CPAMD8: variants seen among roughly 807,000 people sequenced by gnomAD.
CPAMD8 encodes C3 and PZP-like alpha-2-macroglobulin domain-containing protein 8.
CPAMD8 carries 146 observed loss-of-function variants against 224.7 expected under a neutral mutation model. The ratio of observed to expected loss-of-function variants is 0.65; its 90% CI spans 0.57 to 0.75. CPAMD8 has a LOEUF of 0.75. Ranked by LOEUF, CPAMD8 falls within the 30% of genes least tolerant of loss-of-function variation. The probability of loss-of-function intolerance (pLI) is 0.00; values close to 1 mark genes in which losing one functional copy is unlikely to be tolerated. For missense variants in CPAMD8, 2,301 were observed against 2,537.5 expected, an observed-to-expected ratio of 0.91 and a Z score of 2.00; for synonymous variants, 966 against 1,044.6, an observed-to-expected ratio of 0.92 and a Z score of 1.45.
At chr19:16,952,290 G>T in intron 19 of CPAMD8, 90 bp from the exon 20 acceptor site, 1 of 716,374 alleles carries the variant, frequency 1.4e-6, no homozygotes, top group Non-Finnish European at 2.4e-6. Flanking sequence ...CAGGCTGCAT[G>T]GCTCAGAGAG....
intron 20 of CPAMD8, among the ~76,000 whole-genome samples, chr19:16,948,873 G>A (rs1418329451): frequency 1.0e-4 from 1 of 9,928 alleles, no homozygotes; most frequent in Non-Finnish European, 1.7e-4. Flanking sequence ...AAAGGAAAGG[G>A]AAGGGAAGGG....
At chr19:16,911,904 C>T (rs141117507) in intron 29 of CPAMD8, among the ~76,000 whole-genome samples, 3,496 of 152,206 alleles carry the variant, frequency 0.023, 55 homozygotes, top group Middle Eastern at 0.068. Flanking sequence ...GTCTCAAACT[C>T]CTGACTTCAA....
intron 34 of CPAMD8, 62 bp downstream of exon 34, chr19:16,903,495 GTGAT>G: frequency 6.2e-7 from 1 of 1,607,876 alleles, no homozygotes; most frequent in Non-Finnish European, 8.5e-7. Flanking sequence ...GTTCCACTGT[GTGAT>G]TGGAGGGAAT....
chr19:16,903,478 C>A, intron 34 of CPAMD8, 83 bp downstream of exon 34: 2 of 1,592,426 alleles, frequency 1.3e-6, no homozygotes, highest in South Asian at 2.2e-5. Context: ...CTCTGGGGGT[C>A]CCTGGGGTTC....
intron 39 of CPAMD8, chr19:16,897,459 T>C: frequency 1.8e-6 from 1 of 544,714 alleles, no homozygotes; most frequent in Non-Finnish European, 3.2e-6. Context: ...CCCCAGCCAC[T>C]TCCCTTCCGC....
chr19:16,904,672 A>T (rs989179117), intron 30 of CPAMD8, 120 bp from the exon 31 acceptor site: 15 of 725,268 alleles, frequency 2.1e-5, no homozygotes, highest in Non-Finnish European at 3.5e-5. Flanking sequence ...GTGGGAGAAG[A>T]GTATCAGGGG....
At chr19:16,897,494 C>G in intron 39 of CPAMD8, 197 bp downstream of exon 39, 1 of 565,450 alleles carries the variant, frequency 1.8e-6, no homozygotes, top group East Asian at 3.1e-5. Flanking sequence ...CAGCCACGCC[C>G]CTCCCCGCTG....
At chr19:16,905,316 A>T (rs2052426597) in intron 30 of CPAMD8, among the ~76,000 whole-genome samples, 1 of 151,536 alleles carries the variant, frequency 6.6e-6, no homozygotes, top group Admixed American at 6.6e-5. Context: ...ACGGTGGCTC[A>T]TGCCTGTAAT....
chr19:16,919,357 A>G (rs1456885241), intron 27 of CPAMD8, among the ~76,000 whole-genome samples: 1 of 152,194 alleles, frequency 6.6e-6, no homozygotes, highest in African/African-American at 2.4e-5. Flanking sequence ...TTGTAAGAAC[A>G]CTCAAGTAGT....
At chr19:17,019,315 G>T (rs1463231186) in intron 3 of CPAMD8, among the ~76,000 whole-genome samples, 2 of 151,938 alleles carry the variant, frequency 1.3e-5, no homozygotes, top group East Asian at 3.9e-4. Flanking sequence ...TAGAGATGGG[G>T]TTTTGCCATG....
At chr19:16,943,349 T>C (rs1052035435) in intron 22 of CPAMD8, among the ~76,000 whole-genome samples, 6 of 152,126 alleles carry the variant, frequency 3.9e-5, no homozygotes, top group Admixed American at 2.0e-4. Context: ...TATCACGTTT[T>C]CTAGGTTTAT....
At position 17,008,498 on chromosome 19, in the gene CPAMD8, A is replaced by T; in HGVS notation, c.559+7T>A. 3 of 1,612,622 alleles carry T rather than the reference A, an allele frequency of 1.9e-6. No homozygotes were observed. Among genetic ancestry groups the T allele is most frequent in the Non-Finnish European group, 2.5e-6 (3 of 1,179,998 alleles). On this transcript the variant is annotated splice_region_variant and intron_variant, in intron 7 of 41. Coordinates refer to ENST00000443236, the MANE Select transcript of CPAMD8 (RefSeq NM_015692.5). Reference sequence around the variant, plus strand: ...GCAGCCCCCAAGCCGCAGAGGAAGAAACTTACCGCAGCAGAACGGCTTTAA... The same window carrying T: ...GCAGCCCCCAAGCCGCAGAGGAAGATACTTACCGCAGCAGAACGGCTTTAA...
chr19:16,952,909 A>G (rs766243709), intron 19 of CPAMD8, among the ~76,000 whole-genome samples: 13 of 152,174 alleles, frequency 8.5e-5, no homozygotes, highest in Non-Finnish European at 7.3e-5. Flanking sequence ...ATCTCAAGGG[A>G]TCCTGGTGGC....
intron 22 of CPAMD8, among the ~76,000 whole-genome samples, chr19:16,942,318 C>G (rs749639735): frequency 1.3e-5 from 2 of 151,974 alleles, no homozygotes; most frequent in African/African-American, 2.4e-5. Flanking sequence ...AAAAATTAGC[C>G]AGGTGTGGTG....
intron 30 of CPAMD8, among the ~76,000 whole-genome samples, chr19:16,905,071 T>A (rs1045789331): frequency 2.4e-4 from 36 of 150,600 alleles, no homozygotes; most frequent in African/African-American, 8.8e-4. Context: ...TGAAATCCCA[T>A]CTCTACTAAA....
intron 27 of CPAMD8, among the ~76,000 whole-genome samples, chr19:16,918,853 C>CA (rs935167594): frequency 2.0e-5 from 3 of 149,910 alleles, no homozygotes; most frequent in African/African-American, 7.4e-5. Flanking sequence ...ATCCCAAATG[C>CA]AAAAAATCTG....
chr19:16,961,530 G>T (rs1223168811), intron 18 of CPAMD8, among the ~76,000 whole-genome samples: 1 of 152,268 alleles, frequency 6.6e-6, no homozygotes. Flanking sequence ...ACTGGGCGGA[G>T]CCCACTGCAG....
intron 18 of CPAMD8, among the ~76,000 whole-genome samples, chr19:16,967,367 A>T (rs1291583927): frequency 6.6e-6 from 1 of 152,052 alleles, no homozygotes; most frequent in Admixed American, 6.6e-5. Flanking sequence ...GAGGGATAGC[A>T]TTAGGAGTAA....
intron 21 of CPAMD8, among the ~76,000 whole-genome samples, chr19:16,946,435 G>GT (rs2054091324): frequency 7.8e-5 from 11 of 141,316 alleles, no homozygotes; most frequent in African/African-American, 2.7e-4. Flanking sequence ...TTGTGTGTGT[G>GT]AATGCATGTC....
Sources: allele counts gnomAD v4.1 joint callset (sites outside exome capture counted in the v4.1 genomes callset), GRCh38; gene constraint gnomAD v4.1.1; transcripts MANE v1.5; gene names NCBI Gene and HGNC (gene_info 2026-07-23, HGNC 2026-07-21).